KCNMA1: variants seen among roughly 807,000 people sequenced by gnomAD.
KCNMA1 encodes the protein potassium calcium-activated channel subfamily M alpha 1.
In KCNMA1, 29 loss-of-function variants were observed where a neutral mutation model predicts 140.0. That is an observed-to-expected ratio of 0.21 (90% CI 0.15 to 0.28). KCNMA1 has a LOEUF of 0.28. Among genes scored for constraint, KCNMA1 ranks in the 10% least tolerant of loss-of-function variants. KCNMA1 has a pLI of 1.00. For synonymous variants in KCNMA1, 612 were observed against 611.9 expected (o/e 1.00, Z 0.00); for missense variants, 880 against 1,602.2 (o/e 0.55, Z 7.70).
chr10:77,155,935 AAAAC>A (rs1317701245), intron 5 of KCNMA1, among the ~76,000 whole-genome samples: 2 of 152,164 alleles, frequency 1.3e-5, no homozygotes, highest in African/African-American at 4.8e-5. Context: ...ACCAAATTAA[AAAAC>A]AAAGTTGGCC....
chr10:77,430,723 A>G (rs1297994321), intron 1 of KCNMA1, among the ~76,000 whole-genome samples: 1 of 152,184 alleles, frequency 6.6e-6, no homozygotes, highest in Non-Finnish European at 1.5e-5. Flanking sequence ...CACTTACATC[A>G]TGTCCATGCA....
chr10:77,263,810 A>G (rs2154269488), intron 2 of KCNMA1, among the ~76,000 whole-genome samples: 1 of 152,242 alleles, frequency 6.6e-6, no homozygotes, highest in African/African-American at 2.4e-5. Context: ...TCTCCTCTGC[A>G]GAATCGAATC....
In KCNMA1 at chr10:76,944,924, G is replaced by A. The variant is rs2063506264; in HGVS notation, c.2751C>T (p.Ile917=). The part of the protein sequence containing the change: ...LSRADLRAVN[I]NLCDMCVILS... ...GGATAACGCACATGTCACAGAGGTTGATGTTGACAGCCCTTAAATCAGCCC... is the reference window on the plus strand; with the variant it reads ...GGATAACGCACATGTCACAGAGGTTAATGTTGACAGCCCTTAAATCAGCCC... Residue 917 remains isoleucine, a synonymous_variant, in exon 23 of 28, where the codon ATC becomes ATT. Transcript: ENST00000286628. 3.1e-6 allele frequency: 5 copies of A among 1,613,860 alleles called. No homozygotes were observed. Among genetic ancestry groups the A allele is most frequent in the South Asian group, 2.2e-5 (2 of 91,056 alleles).
rs114496884 is a variant in KCNMA1 at position 77,264,139 on chromosome 10, C to G, written c.541-12883G>C. 7.7e-3 allele frequency among the ~76,000 whole-genome samples: 1,167 copies of G among 152,212 alleles called. 6 individuals are homozygous for G. Among genetic ancestry groups the G allele is most frequent in the African/African-American group, 0.026 (1,092 of 41,542 alleles). ...GCATAAACCTCTGCATGTGTATTCG[C>G]GCAAGTTTCGAAAGCCTGGCCCACA... On this transcript the variant is annotated intron_variant, in intron 2 of 27. Coordinates refer to ENST00000286628, the MANE Select transcript of KCNMA1 (RefSeq NM_001161352.2).
At chr10:77,170,034 T>C (rs987279583) in intron 5 of KCNMA1, among the ~76,000 whole-genome samples, 1 of 151,930 alleles carries the variant, frequency 6.6e-6, no homozygotes, top group African/African-American at 2.4e-5. Context: ...CTACTAAAAA[T>C]ACAAAAATTA....
At chr10:77,564,269 C>T (rs528075909) in intron 1 of KCNMA1, among the ~76,000 whole-genome samples, 5 of 152,272 alleles carry the variant, frequency 3.3e-5, no homozygotes, top group South Asian at 2.1e-4. Context: ...GCTCTCACCA[C>T]GCTGATCAAA....
chr10:76,938,416 C>G (rs1205836430), intron 23 of KCNMA1, among the ~76,000 whole-genome samples: 1 of 152,206 alleles, frequency 6.6e-6, no homozygotes, highest in African/African-American at 2.4e-5. Flanking sequence ...GTGACTCCTT[C>G]TAGAACCTCC....
chr10:77,606,755 G>C (rs765206354), intron 1 of KCNMA1, among the ~76,000 whole-genome samples: 8 of 152,102 alleles, frequency 5.3e-5, no homozygotes, highest in Non-Finnish European at 1.0e-4. Context: ...GGTCTCCTCT[G>C]GGAACTTGGA....
chr10:77,209,649 A>T (rs2045350953), intron 3 of KCNMA1, among the ~76,000 whole-genome samples: 1 of 152,158 alleles, frequency 6.6e-6, no homozygotes, highest in South Asian at 2.1e-4. Flanking sequence ...ATATACAAGA[A>T]TGCTAGACAG....
intron 2 of KCNMA1, among the ~76,000 whole-genome samples, chr10:77,360,759 C>T (rs1396461328): frequency 1.3e-5 from 2 of 152,198 alleles, no homozygotes; most frequent in Non-Finnish European, 2.9e-5. Flanking sequence ...TCCTACCTGG[C>T]CCTTTCCACA....
chr10:77,356,903 G>A (rs2093538961), intron 2 of KCNMA1, among the ~76,000 whole-genome samples: 1 of 152,188 alleles, frequency 6.6e-6, no homozygotes, highest in African/African-American at 2.4e-5. Context: ...GATCCAATGA[G>A]AGTGAGTTCT....
At chr10:77,408,550 G>A (rs548551805) in intron 1 of KCNMA1, among the ~76,000 whole-genome samples, 37 of 152,310 alleles carry the variant, frequency 2.4e-4, no homozygotes, top group African/African-American at 6.0e-4. Flanking sequence ...TCACACATGC[G>A]TGTGTGTGTC....
chr10:77,319,029 G>C (rs1565944781), intron 2 of KCNMA1, among the ~76,000 whole-genome samples: 1 of 152,146 alleles, frequency 6.6e-6, no homozygotes, highest in African/African-American at 2.4e-5. Flanking sequence ...ACCTACTGAG[G>C]CCAGAGTAGT....
chr10:76,991,756 G>A (rs887144667), intron 19 of KCNMA1, among the ~76,000 whole-genome samples: 1 of 152,168 alleles, frequency 6.6e-6, no homozygotes, highest in African/African-American at 2.4e-5. Flanking sequence ...TGACCTTGGA[G>A]GGAGGGAAGG....
intron 1 of KCNMA1, among the ~76,000 whole-genome samples, chr10:77,414,136 T>C (rs2154479030): frequency 6.6e-6 from 1 of 152,318 alleles, no homozygotes; most frequent in Middle Eastern, 3.4e-3. Flanking sequence ...TTGTCTCAAA[T>C]GCAGGGAGCC....
At chr10:77,523,776 A>C (rs960921105) in intron 1 of KCNMA1, among the ~76,000 whole-genome samples, 1 of 152,194 alleles carries the variant, frequency 6.6e-6, no homozygotes, top group Non-Finnish European at 1.5e-5. Flanking sequence ...TTAGAGTAGA[A>C]AGAGAGTTAC....
At chr10:77,438,831 C>T (rs1294158857) in intron 1 of KCNMA1, among the ~76,000 whole-genome samples, 1 of 152,174 alleles carries the variant, frequency 6.6e-6, no homozygotes, top group Non-Finnish European at 1.5e-5. Context: ...AATCCCAGCA[C>T]TTTGGGAGGC....
chr10:77,012,053 G>C lies in KCNMA1; in HGVS notation c.2016-10C>G. The C allele has an allele frequency of 1.2e-6, 2 of 1,613,674 alleles. No homozygotes were observed. Among genetic ancestry groups the C allele is most frequent in the Non-Finnish European group, 1.7e-6 (2 of 1,179,812 alleles). ...GCAGTAAAAAAATGCCCTGGAGAAA[G>C]AGAATGGAAAAACTGACACGTTTCA... On this transcript the variant is annotated splice_polypyrimidine_tract_variant and intron_variant, in intron 17 of 27. Coordinates refer to ENST00000286628, the MANE Select transcript of KCNMA1 (RefSeq NM_001161352.2).
At position 76,884,983 on chromosome 10, in the gene KCNMA1, T is replaced by C. The variant is rs1472502778; in HGVS notation, c.*2283A>G. On this transcript the variant is annotated 3_prime_UTR_variant, in exon 28 of 28. Transcript: ENST00000286628. Reference sequence around the variant, plus strand: ...CTAGGTCATGCAGAACCATTAATTGTCATACCTTGGCCCATTCTATTCATC... The same window carrying C: ...CTAGGTCATGCAGAACCATTAATTGCCATACCTTGGCCCATTCTATTCATC... The C allele has an allele frequency of 6.5e-7, 1 of 1,548,338 alleles. No homozygotes were observed. The highest frequency in any genetic ancestry group is 2.5e-5 in the East Asian group (1 of 40,750).
Sources: gnomAD v4.1 joint callset for allele counts (sites outside exome capture counted in the v4.1 genomes callset) on GRCh38, gnomAD v4.1.1 for gene constraint, MANE v1.5 for transcripts, NCBI Gene and HGNC (gene_info 2026-07-23, HGNC 2026-07-21) for gene names.